The following EVI5 variants were observed in gnomAD, a reference collection of about 807,000 sequenced individuals.
EVI5 encodes ecotropic viral integration site 5 protein homolog.
In EVI5, 73 loss-of-function variants were observed where a neutral mutation model predicts 112.0. That is an observed-to-expected ratio of 0.65 (90% CI 0.54 to 0.79). EVI5 has a LOEUF of 0.79. Among genes scored for constraint, EVI5 ranks in the 30% least tolerant of loss-of-function variants. The probability of loss-of-function intolerance (pLI) is 0.00; values close to 1 mark genes in which losing one functional copy is unlikely to be tolerated. For missense variants in EVI5, 900 were observed against 968.8 expected (o/e 0.93, Z 0.94); for synonymous variants, 305 against 319.9 (o/e 0.95, Z 0.50).
chr1:92,617,183 C>T (rs1466080866), intron 16 of EVI5, among the ~76,000 whole-genome samples: 4 of 152,144 alleles, frequency 2.6e-5, no homozygotes, highest in Admixed American at 6.5e-5. Context: ...TGAAGGACAG[C>T]GGTGAAGGTA....
At chr1:92,605,233 G>A in intron 18 of EVI5, 74 bp downstream of exon 18, 1 of 971,600 alleles carries the variant, frequency 1.0e-6, no homozygotes, top group Admixed American at 2.1e-5. Flanking sequence ...AGGATAAAGA[G>A]TAAGTTACTG....
chr1:92,683,261 C>T (rs550559315), intron 9 of EVI5, among the ~76,000 whole-genome samples: 8 of 152,008 alleles, frequency 5.3e-5, no homozygotes, highest in Non-Finnish European at 4.4e-5. Context: ...CTGATGATAC[C>T]CATGCAAACA....
At chr1:92,647,114 C>G (rs1661115200) in intron 13 of EVI5, 1 of 173,706 alleles carries the variant, frequency 5.8e-6, no homozygotes, top group Admixed American at 5.9e-5. Flanking sequence ...CTTCTTCCAC[C>G]TTTTTCCAAG....
At position 92,693,851 on chromosome 1, in the gene EVI5, G is replaced by T; in HGVS notation, c.1048C>A (p.Leu350Ile). ...TTGACTTGGTAAGCTGCTTGGATTA[G>T]CTTGTCTGGGACACCATCAAACTGA... ...PHQFDGVPDK[L>I]IQAAYQVKYN... Residue 350 changes from leucine to isoleucine, a missense_variant, in exon 9 of 20, where the codon CTA becomes ATA. Physicochemically the swap from Leu to Ile is conservative, Grantham distance 5 (BLOSUM62 2). Transcript: ENST00000684568. The T allele has an allele frequency of 6.2e-7, 1 of 1,607,136 alleles. No homozygotes were observed. Among genetic ancestry groups the T allele is most frequent in the Non-Finnish European group, 8.5e-7 (1 of 1,174,330 alleles).
chr1:92,654,348 C>T (rs528046025), intron 13 of EVI5, among the ~76,000 whole-genome samples: 15 of 152,164 alleles, frequency 9.9e-5, no homozygotes, highest in South Asian at 2.1e-4. Flanking sequence ...TTGAGACTTC[C>T]GCCATCCCAG....
At chr1:92,598,756 A>G (rs776127885) in intron 18 of EVI5, among the ~76,000 whole-genome samples, 10 of 152,178 alleles carry the variant, frequency 6.6e-5, no homozygotes, top group Admixed American at 1.3e-4. Context: ...ATTGTCATTC[A>G]TTTAGAGAAG....
chr1:92,664,555 T>C (rs2102199262), intron 11 of EVI5, among the ~76,000 whole-genome samples: 1 of 149,098 alleles, frequency 6.7e-6, no homozygotes, highest in South Asian at 2.1e-4. Context: ...AAAAAGAGTA[T>C]ATAATTAAAA....
At chr1:92,668,099 T>C (rs1183127064) in intron 10 of EVI5, among the ~76,000 whole-genome samples, 1 of 152,202 alleles carries the variant, frequency 6.6e-6, no homozygotes, top group Non-Finnish European at 1.5e-5. Flanking sequence ...TATAAAGTAT[T>C]AGTTCAGGGA....
rs149187651 is a variant in EVI5 at position 92,697,432 on chromosome 1, C to T, written c.765+428G>A. Among the ~76,000 whole-genome samples the T allele has an allele frequency of 1.5e-3, 230 of 151,832 alleles. 2 individuals carry two copies. The East Asian group carries it at 0.029, about 19-fold the overall frequency. ...GAAAACATTACAGGAAAAAAAATTA[C>T]GGGCTAGCAAAAAATAAAAATAAAA... On this transcript the variant is annotated intron_variant, in intron 6 of 19. Coordinates refer to ENST00000684568, the MANE Select transcript of EVI5 (RefSeq NM_001350197.2).
intron 14 of EVI5, among the ~76,000 whole-genome samples, chr1:92,635,260 T>C (rs1658514583): frequency 1.3e-5 from 2 of 152,226 alleles, no homozygotes; most frequent in Admixed American, 1.3e-4. Context: ...TTTGATTCGC[T>C]ATGCCCTGCC....
chr1:92,791,459 CA>C (rs1302064309), intron 1 of EVI5, among the ~76,000 whole-genome samples: 1 of 152,028 alleles, frequency 6.6e-6, no homozygotes, highest in Admixed American at 6.6e-5. Context: ...AACAAATATT[CA>C]AAAATAATAG....
chr1:92,665,950 T>C lies in EVI5; in HGVS notation c.1201A>G (p.Thr401Ala). 6.2e-7 allele frequency: 1 copy of C among 1,605,498 alleles called. No individual in the cohort carries two copies. Among genetic ancestry groups the C allele is most frequent in the Non-Finnish European group, 8.5e-7 (1 of 1,176,746 alleles). Residue 401 changes from threonine (T) to alanine (A), a missense_variant, in exon 11 of 20, where the codon ACA becomes GCA. By Grantham distance (58) the Thr-to-Ala change is moderately conservative. Transcript: ENST00000684568. ...AGTCACTTACTTACTTTTTCTAATG[T>C]CTCGATGCGCTGTTTTAAAAGTCTA... ...ENRLLKQRIE[T>A]LEKESASLAD...
At chr1:92,563,397 T>C (rs1028659083) in intron 19 of EVI5, among the ~76,000 whole-genome samples, 2 of 152,190 alleles carry the variant, frequency 1.3e-5, no homozygotes, top group Non-Finnish European at 2.9e-5. Flanking sequence ...AATAAAATAT[T>C]TGCCATGAAA....
At chr1:92,551,751 C>A (rs1666974120) in intron 19 of EVI5, among the ~76,000 whole-genome samples, 1 of 152,068 alleles carries the variant, frequency 6.6e-6, no homozygotes, top group African/African-American at 2.4e-5. Flanking sequence ...GTCTCTTTCA[C>A]CCTTACTGAA....
At chr1:92,521,691 CAAAA>C (rs1206621877) in intron 19 of EVI5, among the ~76,000 whole-genome samples, 1 of 81,858 alleles carries the variant, frequency 1.2e-5, no homozygotes, top group African/African-American at 4.4e-5. Context: ...GACTCCGTCT[CAAAA>C]AAAAAAAAAA....
chr1:92,746,759 T>C (rs959445256), intron 1 of EVI5, among the ~76,000 whole-genome samples: 1 of 151,974 alleles, frequency 6.6e-6, no homozygotes, highest in African/African-American at 2.4e-5. Flanking sequence ...TAGCCAGGCA[T>C]GGTGGCGTGT....
chr1:92,787,008 T>C (rs1685690934), upstream of EVI5, among the ~76,000 whole-genome samples: 1 of 152,214 alleles, frequency 6.6e-6, no homozygotes, highest in Non-Finnish European at 1.5e-5. Context: ...GAGAAGCATC[T>C]TCTGACCTCC....
chr1:92,636,092 G>T, intron 14 of EVI5, 110 bp downstream of exon 14: 4 of 845,642 alleles, frequency 4.7e-6, no homozygotes, highest in South Asian at 4.6e-5. Flanking sequence ...AATATGTAAG[G>T]CTTCTAATGT....
At chr1:92,540,150 T>C (rs1021058207) in intron 19 of EVI5, among the ~76,000 whole-genome samples, 2 of 152,190 alleles carry the variant, frequency 1.3e-5, no homozygotes, top group African/African-American at 4.8e-5. Flanking sequence ...GCTATGAACA[T>C]TTATGCAGAT....
Sources: allele counts gnomAD v4.1 joint callset (sites outside exome capture counted in the v4.1 genomes callset), GRCh38; gene constraint gnomAD v4.1.1; transcripts MANE v1.5; gene names NCBI Gene and HGNC (gene_info 2026-07-23, HGNC 2026-07-21).